FRMD5: variants seen among roughly 807,000 people sequenced by gnomAD.
FRMD5 encodes FERM domain-containing protein 5.
Under a neutral mutation model 69.0 loss-of-function variants are expected in FRMD5, and 20 were observed. The observed-to-expected ratio is 0.29, with a 90% CI of 0.20 to 0.42. The LOEUF (loss-of-function observed/expected upper bound fraction) is 0.42, where lower values mean the gene tolerates loss of function less well. Among genes scored for constraint, FRMD5 ranks in the 10% least tolerant of loss-of-function variants. The probability of loss-of-function intolerance (pLI) is 1.00; values close to 1 mark genes in which losing one functional copy is unlikely to be tolerated. For synonymous variants in FRMD5, 271 were observed against 260.1 expected (o/e 1.04, Z -0.40); for missense variants, 595 against 708.6 (o/e 0.84, Z 1.82).
intron 1 of FRMD5, among the ~76,000 whole-genome samples, chr15:43,983,122 G>A (rs1003427494): frequency 2.6e-5 from 4 of 152,034 alleles, no homozygotes; most frequent in African/African-American, 9.7e-5. Context: ...GTAGAGATAG[G>A]GTTTCACTGT....
chr15:44,168,180 A>G (rs991072366), intron 1 of FRMD5, among the ~76,000 whole-genome samples: 3 of 152,238 alleles, frequency 2.0e-5, no homozygotes, highest in Non-Finnish European at 4.4e-5. Flanking sequence ...TCTTATGGCA[A>G]CAGAGTGAAT....
chr15:44,067,027 C>A (rs1030489366), intron 1 of FRMD5, among the ~76,000 whole-genome samples: 1 of 151,694 alleles, frequency 6.6e-6, no homozygotes, highest in Non-Finnish European at 1.5e-5. Flanking sequence ...AATTAAAGTC[C>A]AAGAAGAAGA....
intron 1 of FRMD5, among the ~76,000 whole-genome samples, chr15:44,069,257 A>G (rs1213778676): frequency 6.6e-6 from 1 of 152,230 alleles, no homozygotes; most frequent in African/African-American, 2.4e-5. Flanking sequence ...CCACTCTGGG[A>G]AACAGTTTGG....
chr15:43,883,076 G>A (rs982650412), intron 13 of FRMD5, among the ~76,000 whole-genome samples: 4 of 151,756 alleles, frequency 2.6e-5, no homozygotes, highest in Non-Finnish European at 2.9e-5. Flanking sequence ...GATTACAGGC[G>A]TGAGCCACTG....
chr15:44,102,905 T>C (rs969648025), intron 1 of FRMD5, among the ~76,000 whole-genome samples: 7 of 152,204 alleles, frequency 4.6e-5, no homozygotes, highest in Non-Finnish European at 1.0e-4. Context: ...GCTCTGAGGC[T>C]TGGAGACCTA....
intron 1 of FRMD5, among the ~76,000 whole-genome samples, chr15:43,932,631 T>A (rs979241492): frequency 6.6e-6 from 1 of 152,198 alleles, no homozygotes; most frequent in Non-Finnish European, 1.5e-5. Context: ...AAAAAAGCAT[T>A]TGGCAAAATA....
In FRMD5 at chr15:44,097,114, T is replaced by C. The variant is rs540993720; in HGVS notation, c.102+97839A>G. 7.9e-4 allele frequency among the ~76,000 whole-genome samples: 120 copies of C among 152,352 alleles called. 5 individuals carry two copies. The South Asian group carries it at 0.024, about 30-fold the overall frequency. On this transcript the variant is annotated intron_variant, in intron 1 of 13. Transcript: ENST00000417257. Reference sequence around the variant, plus strand: ...AAATTATAATGCTATCATTTTAGTATGGAACATGCAGGATTTTTTTCCTTC... The same window carrying C: ...AAATTATAATGCTATCATTTTAGTACGGAACATGCAGGATTTTTTTCCTTC...
At chr15:44,146,008 C>A (rs2077349990) in intron 1 of FRMD5, among the ~76,000 whole-genome samples, 1 of 152,098 alleles carries the variant, frequency 6.6e-6, no homozygotes, top group African/African-American at 2.4e-5. Flanking sequence ...TCACTTTAAA[C>A]TTTTTAGTTC....
At chr15:43,874,585 T>C (rs893228190) in intron 13 of FRMD5, 123 bp from the exon 14 acceptor site, 10 of 692,774 alleles carry the variant, frequency 1.4e-5, no homozygotes, top group African/African-American at 1.2e-4. Context: ...CAGTAGCCAC[T>C]GCACTCTATT....
rs1444747126 is a variant in FRMD5, at chr15:43,873,652, C to G, written c.*233G>C. On this transcript the variant is annotated 3_prime_UTR_variant, in exon 14 of 14. Coordinates refer to ENST00000417257, the MANE Select transcript of FRMD5 (RefSeq NM_032892.5). The stretch of plus-strand genomic sequence containing the variant: ...AAAGATGAGAAACAGAGTCGCTGAG[C>G]CTTTCTTGAAATAACTTCTGAAGAA... 2.2e-5 allele frequency: 33 copies of G among 1,494,882 alleles called. No homozygotes were observed. The highest frequency in any genetic ancestry group is 2.9e-5 in the Non-Finnish European group (33 of 1,132,014). 92.6% of individuals were successfully genotyped at this position (1,494,882 alleles called of 1,614,324 possible).
chr15:43,904,429 T>G (rs2089122309), intron 6 of FRMD5, among the ~76,000 whole-genome samples: 1 of 152,012 alleles, frequency 6.6e-6, no homozygotes, highest in Admixed American at 6.6e-5. Flanking sequence ...CATGGAGTGG[T>G]GCAATTCCAG....
At chr15:44,164,929 G>A (rs1340655507) in intron 1 of FRMD5, among the ~76,000 whole-genome samples, 1 of 152,212 alleles carries the variant, frequency 6.6e-6, no homozygotes, top group East Asian at 1.9e-4. Flanking sequence ...GAGCAAGCTG[G>A]AGCATCCAGA....
intron 1 of FRMD5, among the ~76,000 whole-genome samples, chr15:44,037,493 G>C (rs1236020530): frequency 6.8e-6 from 1 of 146,282 alleles, no homozygotes; most frequent in Non-Finnish European, 1.5e-5. Flanking sequence ...TTTTGATATG[G>C]AGTCTTGCTC....
At chr15:44,116,794 T>A (rs988818166) in intron 1 of FRMD5, among the ~76,000 whole-genome samples, 3 of 152,150 alleles carry the variant, frequency 2.0e-5, no homozygotes, top group Non-Finnish European at 2.9e-5. Context: ...AAAGTGTGAC[T>A]GCACGGGCTG....
At chr15:43,919,340 A>G in intron 4 of FRMD5, 119 bp downstream of exon 4, 2 of 849,944 alleles carry the variant, frequency 2.4e-6, no homozygotes, top group Non-Finnish European at 4.1e-6. Context: ...ATATTTAGGA[A>G]GAGTTCCTTG....
chr15:44,120,657 G>T (rs1807974), intron 1 of FRMD5, among the ~76,000 whole-genome samples: 3 of 151,042 alleles, frequency 2.0e-5, no homozygotes, highest in African/African-American at 4.9e-5. Context: ...CAAACAGCTG[G>T]GACTACAGGC....
intron 1 of FRMD5, among the ~76,000 whole-genome samples, chr15:44,182,645 T>A (rs566825870): frequency 6.6e-5 from 10 of 152,164 alleles, no homozygotes; most frequent in African/African-American, 2.4e-4. Flanking sequence ...TATTTAATAA[T>A]CATTTTTTCA....
intron 1 of FRMD5, among the ~76,000 whole-genome samples, chr15:43,925,359 A>G (rs774079142): frequency 3.2e-4 from 48 of 152,172 alleles, no homozygotes; most frequent in Non-Finnish European, 6.3e-4. Flanking sequence ...ACATACATAT[A>G]CATCTCCTCT....
At chr15:43,970,232 T>C (rs1259685131) in intron 1 of FRMD5, among the ~76,000 whole-genome samples, 1 of 152,228 alleles carries the variant, frequency 6.6e-6, no homozygotes, top group African/African-American at 2.4e-5. Context: ...CTGACACTCA[T>C]GGCCTAGCTA....
Sources: allele counts gnomAD v4.1 joint callset (sites outside exome capture counted in the v4.1 genomes callset), GRCh38; gene constraint gnomAD v4.1.1; transcripts MANE v1.5; gene names NCBI Gene and HGNC (gene_info 2026-07-23, HGNC 2026-07-21).